Variants in LAMB1 observed in about 807,000 individuals in gnomAD.
LAMB1 encodes the protein laminin subunit beta-1.
LAMB1 carries 121 observed loss-of-function variants against 222.3 expected under a neutral mutation model. That is an observed-to-expected ratio of 0.54 (90% CI 0.47 to 0.63). The LOEUF (loss-of-function observed/expected upper bound fraction) is 0.63, where lower values mean the gene tolerates loss of function less well. LAMB1 is among the 30% of genes least tolerant of loss of function. The probability of loss-of-function intolerance (pLI) is 0.00; values close to 1 mark genes in which losing one functional copy is unlikely to be tolerated. For missense variants in LAMB1, 2,172 were observed against 2,240.8 expected, an observed-to-expected ratio of 0.97 and a Z score of 0.62; for synonymous variants, 794 against 807.2, an observed-to-expected ratio of 0.98 and a Z score of 0.28.
Position 107,980,856 on chromosome 7 carries a change from A to G in LAMB1, c.677-45T>C, listed in dbSNP as rs374463359. 2.3e-5 allele frequency: 30 copies of G among 1,278,746 alleles called. No homozygotes were observed. The African/African-American group carries it at 4.3e-4, about 18-fold the overall frequency. 79.2% of individuals were successfully genotyped at this position (1,278,746 alleles called of 1,614,324 possible). The stretch of plus-strand genomic sequence containing the variant: ...GATGAAAAGTCTGATCAGACAAGCA[A>G]GAAGTTTTTTTTTTTTTCCTTGCAT... On this transcript the variant is annotated intron_variant, in intron 7 of 33. Transcript: ENST00000222399.
At chr7:107,943,339 G>A (rs1341302807) in intron 24 of LAMB1, among the ~76,000 whole-genome samples, 1 of 152,194 alleles carries the variant, frequency 6.6e-6, no homozygotes, top group Non-Finnish European at 1.5e-5. Context: ...GTCAATGCCA[G>A]TGACACCCAA....
chr7:107,991,214 T>C (rs1293446176), intron 5 of LAMB1, among the ~76,000 whole-genome samples: 1 of 152,216 alleles, frequency 6.6e-6, no homozygotes, highest in Non-Finnish European at 1.5e-5. Context: ...ATGTTAATGT[T>C]TTTGCAACAG....
At chr7:107,994,749 T>C (rs2034252323) in intron 5 of LAMB1, 138 bp downstream of exon 5, 2 of 539,926 alleles carry the variant, frequency 3.7e-6, no homozygotes, top group South Asian at 6.3e-5. Flanking sequence ...TTTTAAAAAC[T>C]GCTCAATTAC....
chr7:107,931,054 TTAAGGTTAGAAATTACTATACGTAATTTC>T (rs2032696875), intron 29 of LAMB1, among the ~76,000 whole-genome samples: 1 of 152,128 alleles, frequency 6.6e-6, no homozygotes. Context: ...CTCCACTTCT[TTAAGGTTAGAAATTACTATACGTAATTTC>T]TAACAAATTC....
At chr7:107,988,491 G>A (rs2034122991) in intron 5 of LAMB1, among the ~76,000 whole-genome samples, 1 of 152,184 alleles carries the variant, frequency 6.6e-6, no homozygotes, top group Admixed American at 6.5e-5. Context: ...GCCTAAGTCT[G>A]TGCTCTAGAA....
chr7:107,931,613 T>A, intron 28 of LAMB1, 113 bp from the exon 29 acceptor site: 1 of 1,017,986 alleles, frequency 9.8e-7, no homozygotes, highest in South Asian at 1.4e-5. Context: ...TGGAATCATA[T>A]GTCTGGGAAA....
chr7:107,972,951 T>G (rs1329172564), intron 13 of LAMB1, 41 bp downstream of exon 13: 1 of 1,488,244 alleles, frequency 6.7e-7, no homozygotes, highest in Non-Finnish European at 9.4e-7. Flanking sequence ...ATGACTTTCC[T>G]GGAAGACTGA....
At chr7:107,947,724 G>A (rs1450243341) in intron 24 of LAMB1, among the ~76,000 whole-genome samples, 1 of 152,206 alleles carries the variant, frequency 6.6e-6, no homozygotes, top group Non-Finnish European at 1.5e-5. Context: ...TCTCCAAAGA[G>A]TGCTAAAAGC....
chr7:107,988,443 CAAA>C, intron 5 of LAMB1, among the ~76,000 whole-genome samples: 1 of 138,572 alleles, frequency 7.2e-6, no homozygotes, highest in African/African-American at 2.7e-5. Context: ...ATGTCTCAAA[CAAA>C]AAAAAAGAAA....
At chr7:107,980,575 A>C (rs760316046) in intron 8 of LAMB1, 34 bp downstream of exon 8, 1 of 1,544,474 alleles carries the variant, frequency 6.5e-7, no homozygotes, top group South Asian at 1.1e-5. Flanking sequence ...TACCAGCCAC[A>C]TAAAGGAGAA....
rs1349917376 is a variant in LAMB1 at position 107,952,224 on chromosome 7, C to T, written c.3080-1G>A. Reference sequence around the variant, plus strand: ...GTGCCCAGGTAATTACAGACACACTCTGCAAAAGAACATCACATTTACTTA... The same window carrying T: ...GTGCCCAGGTAATTACAGACACACTTTGCAAAAGAACATCACATTTACTTA... On this transcript the variant is annotated splice_acceptor_variant, in intron 22 of 33. Transcript: ENST00000222399. LOFTEE classifies it high-confidence loss of function. The T allele has an allele frequency of 6.3e-7, 1 of 1,591,306 alleles. No individual in the cohort carries two copies.
intron 21 of LAMB1, among the ~76,000 whole-genome samples, chr7:107,955,213 T>C (rs546623195): frequency 6.6e-6 from 1 of 152,320 alleles, no homozygotes; most frequent in African/African-American, 2.4e-5. Context: ...AACAGAAAAG[T>C]GTTCCACAGG....
At chr7:107,979,431 C>A (rs1456947016) in intron 8 of LAMB1, among the ~76,000 whole-genome samples, 1 of 152,118 alleles carries the variant, frequency 6.6e-6, no homozygotes, top group Non-Finnish European at 1.5e-5. Flanking sequence ...GGGAAGGAAC[C>A]CTGGGGCTGA....
intron 5 of LAMB1, among the ~76,000 whole-genome samples, chr7:107,987,854 C>A (rs1483940965): frequency 1.3e-5 from 2 of 152,090 alleles, no homozygotes; most frequent in Non-Finnish European, 2.9e-5. Context: ...TGGGTGGAGG[C>A]GGCTGCACGT....
At chr7:107,936,822 G>GA (rs34059674) in intron 26 of LAMB1, among the ~76,000 whole-genome samples, 79 of 148,846 alleles carry the variant, frequency 5.3e-4, no homozygotes, top group Non-Finnish European at 7.7e-4. Flanking sequence ...TAACTGGAGG[G>GA]AAAAAAAAAA....
intron 8 of LAMB1, among the ~76,000 whole-genome samples, chr7:107,979,254 A>C (rs1319699280): frequency 6.6e-6 from 1 of 152,236 alleles, no homozygotes; most frequent in Non-Finnish European, 1.5e-5. Flanking sequence ...AGGCTCCGTC[A>C]AAAATTCAAC....
In LAMB1 at chr7:107,986,201, C is replaced by A. The variant is rs777226525; in HGVS notation, c.586G>T (p.Asp196Tyr). 4 of 1,614,114 alleles carry A rather than the reference C, an allele frequency of 2.5e-6. No individual in the cohort carries two copies. Among genetic ancestry groups the A allele is most frequent in the Non-Finnish European group, 3.4e-6 (4 of 1,180,002 alleles). Reference sequence around the variant, plus strand: ...TCTCCTTCAGTTGAGGGTTCAATGTCAGAATATCGAGAATCACAAATTATG... The same window carrying A: ...TCTCCTTCAGTTGAGGGTTCAATGTAAGAATATCGAGAATCACAAATTATG... Reference protein sequence around the residue: ...DDIICDSRYSDIEPSTEGEVI... With the variant: ...DDIICDSRYSYIEPSTEGEVI... The change falls in exon 6 of 34, where the codon GAC becomes TAC. Residue 196 changes from aspartate (D) to tyrosine (Y), a missense_variant. Coordinates refer to ENST00000222399, the MANE Select transcript of LAMB1 (RefSeq NM_002291.3).
At chr7:107,965,094 A>G (rs2033603511) in intron 13 of LAMB1, among the ~76,000 whole-genome samples, 1 of 152,208 alleles carries the variant, frequency 6.6e-6, no homozygotes, top group Admixed American at 6.5e-5. Context: ...CTAAGACAGA[A>G]GCCCTCAATC....
At chr7:107,946,583 C>T (rs74959299) in intron 24 of LAMB1, among the ~76,000 whole-genome samples, 3,634 of 152,350 alleles carry the variant, frequency 0.024, 145 homozygotes, top group African/African-American at 0.082. Context: ...CTGGATTTGG[C>T]CTCTGCCTGT....
Sources: allele counts gnomAD v4.1 joint callset (sites outside exome capture counted in the v4.1 genomes callset), GRCh38; gene constraint gnomAD v4.1.1; transcripts MANE v1.5; gene names NCBI Gene and HGNC (gene_info 2026-07-23, HGNC 2026-07-21).